Variants in FIRRM observed in about 807,000 individuals in gnomAD.
The protein encoded by FIRRM is FIGNL1-interacting regulator of recombination and mitosis.
chr1:169,801,597 CAAAAAAA>C, the FIRRM span, among the ~76,000 whole-genome samples: 4 of 124,432 alleles, frequency 3.2e-5, no homozygotes, highest in East Asian at 6.9e-4. Flanking sequence ...ACCCTTAATT[CAAAAAAA>C]AAAAAAAAAA....
chr1:169,805,971 A>T, the FIRRM span: 3 of 1,311,528 alleles, frequency 2.3e-6, no homozygotes, highest in East Asian at 2.3e-5. Flanking sequence ...TGACATTTGG[A>T]TGTCTTAAAA....
chr1:169,793,666 T>G, the FIRRM span: 267,863 of 1,601,410 alleles, frequency 0.17, 23,386 homozygotes, highest in South Asian at 0.26. Flanking sequence ...CCAGATGGTC[T>G]TCTATAGTGA....
the FIRRM span, among the ~76,000 whole-genome samples, chr1:169,812,676 G>A: frequency 6.6e-6 from 1 of 152,068 alleles, no homozygotes; most frequent in Non-Finnish European, 1.5e-5. Context: ...GGCCAACATG[G>A]TGAAACCCCG....
chr1:169,840,102 A>C, the FIRRM span, among the ~76,000 whole-genome samples: 35 of 152,226 alleles, frequency 2.3e-4, no homozygotes, highest in African/African-American at 5.3e-4. Flanking sequence ...TTGTACCTGT[A>C]TCATGATGTT....
At chr1:169,814,394 G>A in the FIRRM span, among the ~76,000 whole-genome samples, 1 of 152,108 alleles carries the variant, frequency 6.6e-6, no homozygotes, top group East Asian at 1.9e-4. Flanking sequence ...TGCAGTTTTT[G>A]CCATTATTTT....
At chr1:169,802,726 G>T in the FIRRM span, 1 of 1,586,478 alleles carries the variant, frequency 6.3e-7, no homozygotes, top group Non-Finnish European at 8.6e-7. Flanking sequence ...TATTTTACAA[G>T]TAAGTCAAAT....
At chr1:169,829,208 T>G in the FIRRM span, 1 of 1,367,800 alleles carries the variant, frequency 7.3e-7, no homozygotes, top group East Asian at 2.4e-5. Context: ...TTATTATAAT[T>G]GCTAATTAGT....
chr1:169,793,166 G>A, the FIRRM span: 1 of 1,614,154 alleles, frequency 6.2e-7, no homozygotes, highest in East Asian at 2.2e-5. Context: ...TGTGAAATAA[G>A]CCAGGAGGTC....
chr1:169,829,342 T>C, the FIRRM span: 1 of 1,613,868 alleles, frequency 6.2e-7, no homozygotes, highest in Non-Finnish European at 8.5e-7. Context: ...TTTACAGGGA[T>C]TAAAGAGTAA....
the FIRRM span, chr1:169,851,051 T>TTTTGG: frequency 1.4e-5 from 1 of 70,864 alleles, no homozygotes; most frequent in Non-Finnish European, 2.5e-5. Flanking sequence ...GGCCCTTTTT[T>TTTTGG]TTTTTTTTTT....
the FIRRM span, among the ~76,000 whole-genome samples, chr1:169,820,484 G>C: frequency 1.3e-5 from 2 of 152,328 alleles, no homozygotes; most frequent in East Asian, 1.9e-4. Flanking sequence ...TTAACATCCC[G>C]TAGTGCCAAA....
At chr1:169,821,239 GTTTGT>G in the FIRRM span, among the ~76,000 whole-genome samples, 1 of 152,082 alleles carries the variant, frequency 6.6e-6, no homozygotes, top group Non-Finnish European at 1.5e-5. Context: ...TTCAGTAGCA[GTTTGT>G]TTTGTCTTTT....
At chr1:169,821,456 CA>C in the FIRRM span, among the ~76,000 whole-genome samples, 26 of 152,180 alleles carry the variant, frequency 1.7e-4, no homozygotes, top group Non-Finnish European at 3.1e-4. Flanking sequence ...CTTTTCTTTT[CA>C]GTAATGTAGA....
the FIRRM span, chr1:169,851,853 G>C: frequency 8.7e-6 from 14 of 1,613,922 alleles, no homozygotes; most frequent in Non-Finnish European, 1.2e-5. Flanking sequence ...TGCCAAAGTG[G>C]AACGTGTGAA....
chr1:169,834,653 T>A, the FIRRM span, among the ~76,000 whole-genome samples: 3 of 152,224 alleles, frequency 2.0e-5, no homozygotes, highest in East Asian at 3.9e-4. Context: ...GGAAATTAAA[T>A]AACTTCCACA....
chr1:169,792,089 T>C, the FIRRM span, among the ~76,000 whole-genome samples: 4 of 152,348 alleles, frequency 2.6e-5, no homozygotes, highest in African/African-American at 9.6e-5. Flanking sequence ...CATGTGAATT[T>C]AGTTAAATTC....
At chr1:169,811,859 G>GATTATCTAAATAGATA in the FIRRM span, among the ~76,000 whole-genome samples, 1 of 151,136 alleles carries the variant, frequency 6.6e-6, no homozygotes, top group African/African-American at 2.4e-5. Context: ...ATAGATAATA[G>GATTATCTAAATAGATA]ATAGATAGAT....
the FIRRM span, among the ~76,000 whole-genome samples, chr1:169,799,416 G>T: frequency 6.6e-6 from 1 of 152,140 alleles, no homozygotes; most frequent in Non-Finnish European, 1.5e-5. Flanking sequence ...TACTTGATGA[G>T]ATTCATTCTT....
At chr1:169,823,559 CAG>C in the FIRRM span, 42 of 736,902 alleles carry the variant, frequency 5.7e-5, no homozygotes, top group Middle Eastern at 1.3e-3. Context: ...TATGATAAAA[CAG>C]AATAATTTTT....
Sources: gnomAD v4.1 joint callset for allele counts (sites outside exome capture counted in the v4.1 genomes callset) on GRCh38, gnomAD v4.1.1 for gene constraint, MANE v1.5 for transcripts, NCBI Gene and HGNC (gene_info 2026-07-23, HGNC 2026-07-21) for gene names.